AVEN: variants seen among roughly 807,000 people sequenced by gnomAD.
AVEN encodes cell death regulator Aven.
Under a neutral mutation model 38.1 loss-of-function variants are expected in AVEN, and 41 were observed. The ratio of observed to expected loss-of-function variants is 1.08; its 90% CI spans 0.84 to 1.40. The LOEUF (loss-of-function observed/expected upper bound fraction) is 1.40, where lower values mean the gene tolerates loss of function less well. AVEN is among the 40% of genes most tolerant of loss of function. AVEN has a pLI of 0.00. For synonymous variants in AVEN, 206 were observed against 171.8 expected, an observed-to-expected ratio of 1.20 and a Z score of -1.56; for missense variants, 605 against 438.8, an observed-to-expected ratio of 1.38 and a Z score of -3.38.
downstream of AVEN, among the ~76,000 whole-genome samples, chr15:33,862,511 T>A (rs1457334454): frequency 1.3e-5 from 2 of 152,142 alleles, no homozygotes; most frequent in African/African-American, 4.8e-5. Context: ...TGAGCCCTCA[T>A]CTTTCTTTAG....
chr15:33,993,490 G>C (rs1896810509), intron 2 of AVEN, among the ~76,000 whole-genome samples: 1 of 152,156 alleles, frequency 6.6e-6, no homozygotes, highest in African/African-American at 2.4e-5. Flanking sequence ...AGTGGAAGGA[G>C]GCAGGCTGGA....
chr15:33,938,461 A>C (rs963330656), intron 2 of AVEN, among the ~76,000 whole-genome samples: 2 of 152,168 alleles, frequency 1.3e-5, no homozygotes. Flanking sequence ...TCTTGAAAAA[A>C]ATAAAAATAA....
intron 1 of AVEN, among the ~76,000 whole-genome samples, chr15:34,031,224 G>A (rs1031622213): frequency 7.7e-6 from 1 of 129,854 alleles, no homozygotes; most frequent in Non-Finnish European, 1.5e-5. Flanking sequence ...GCCCAGGCTG[G>A]AATGCAATGG....
rs141468819 is a variant in AVEN, at chr15:34,063,902, T to A, written n.1127-470A>T. The A allele has an allele frequency of 1.2e-6, 2 of 1,614,134 alleles. No homozygotes were observed. The highest frequency in any genetic ancestry group is 1.7e-6 in the Non-Finnish European group (2 of 1,180,020). On this transcript the variant is annotated intron_variant and non_coding_transcript_variant, in intron 4 of 11. Coordinates refer to the AVEN transcript ENST00000675287. The surrounding 1 kb of genome is among the most constrained non-coding windows in gnomAD (Gnocchi z 4.1). ...CTGACGGGAACCAGGAGACCAACAA[T>A]GGCTGTCACAAGGTGAAAATCATGC...
rs1368786590 is a variant in AVEN, at chr15:34,048,379, A to G, written n.1637+14543T>C. Among the ~76,000 whole-genome samples, 6 of 150,756 alleles carry G rather than the reference A, an allele frequency of 4.0e-5. No homozygotes were observed. In the South Asian group the frequency reaches 6.3e-4, roughly 16 times the overall value. On this transcript the variant is annotated intron_variant and non_coding_transcript_variant, in intron 5 of 11. Transcript: ENST00000675287. Reference sequence around the variant, plus strand: ...CAGCCTGCTGGCTTTGGAGAGTCCAAATGGTCCTGACAAGGAAGGGTCCCC... The same window carrying G: ...CAGCCTGCTGGCTTTGGAGAGTCCAGATGGTCCTGACAAGGAAGGGTCCCC...
intron 2 of AVEN, among the ~76,000 whole-genome samples, chr15:33,994,907 C>A (rs1375180124): frequency 6.6e-6 from 1 of 152,156 alleles, no homozygotes; most frequent in African/African-American, 2.4e-5. Context: ...AACATACAGG[C>A]AACCATCCAC....
At chr15:34,024,472 C>CAAA (rs10531898) in intron 1 of AVEN, among the ~76,000 whole-genome samples, 24 of 101,878 alleles carry the variant, frequency 2.4e-4, no homozygotes, top group African/African-American at 8.0e-4. Flanking sequence ...GACCCTGTCT[C>CAAA]AAAAAAAAAA....
intron 3 of AVEN, among the ~76,000 whole-genome samples, chr15:33,873,281 G>A (rs1283602184): frequency 1.3e-5 from 2 of 149,976 alleles, no homozygotes; most frequent in Non-Finnish European, 1.5e-5. Context: ...TGTATTTTCA[G>A]TAGACGCAGG....
In AVEN at chr15:33,869,951, C is replaced by T. The variant is rs568188250; in HGVS notation, c.612+984G>A. Among the ~76,000 whole-genome samples the T allele has an allele frequency of 2.6e-5, 4 of 152,030 alleles. No individual in the cohort carries two copies. In the South Asian group the frequency reaches 8.3e-4, roughly 32 times the overall value. ...TTATCTCCTGAATTTGTATTTCTAGCCCTTGATGTAGAACTATAAAGTTCA... is the reference window on the plus strand; with the variant it reads ...TTATCTCCTGAATTTGTATTTCTAGTCCTTGATGTAGAACTATAAAGTTCA... On this transcript the variant is annotated intron_variant, in intron 4 of 5. Coordinates refer to ENST00000306730, the MANE Select transcript of AVEN (RefSeq NM_020371.3).
intron 2 of AVEN, among the ~76,000 whole-genome samples, chr15:33,919,819 G>C (rs1290794431): frequency 6.6e-6 from 1 of 152,086 alleles, no homozygotes; most frequent in Non-Finnish European, 1.5e-5. Flanking sequence ...AAAAAAATTT[G>C]AACCAACCAT....
intron 2 of AVEN, among the ~76,000 whole-genome samples, chr15:33,910,109 G>A (rs1326612598): frequency 6.7e-6 from 1 of 148,286 alleles, no homozygotes; most frequent in African/African-American, 2.5e-5. Context: ...GCCCCAGCCT[G>A]GGTGACAGAG....
At chr15:33,932,422 G>A (rs956368354) in intron 2 of AVEN, among the ~76,000 whole-genome samples, 1 of 152,158 alleles carries the variant, frequency 6.6e-6, no homozygotes, top group South Asian at 2.1e-4. Context: ...ACATTACTAG[G>A]TACACGTTTT....
In AVEN at chr15:34,039,002, T is replaced by G. The variant is rs1440529659; in HGVS notation, c.45A>C (p.Pro15=). The part of the protein sequence containing the change: ...RGARGGRGRR[P]GRGRPGGDRH... ...GATCTCCGCCAGGCCGGCCGCGGCCTGGCCGCCGCCCACGGCCTCCCCGAG... is the reference window on the plus strand; with the variant it reads ...GATCTCCGCCAGGCCGGCCGCGGCCGGGCCGCCGCCCACGGCCTCCCCGAG... Residue 15 remains proline, a synonymous_variant, in exon 1 of 6, where the codon CCA becomes CCC. Coordinates refer to ENST00000306730, the MANE Select transcript of AVEN (RefSeq NM_020371.3). 20 of 1,116,538 alleles carry G rather than the reference T, an allele frequency of 1.8e-5. No homozygotes were observed. The highest frequency in any genetic ancestry group is 1.1e-6 in the Non-Finnish European group (1 of 916,330). 69.2% of individuals were successfully genotyped at this position (1,116,538 alleles called of 1,614,324 possible). A position where few individuals can be genotyped will look rare whatever the true frequency, so the allele number is the denominator to read the frequency against.
At chr15:33,884,012 GTTATT>G (rs1198420222) in intron 2 of AVEN, among the ~76,000 whole-genome samples, 2 of 152,212 alleles carry the variant, frequency 1.3e-5, no homozygotes, top group African/African-American at 2.4e-5. Context: ...CACAGCATTT[GTTATT>G]TTATTTTTTA....
At chr15:34,034,148 A>C (rs1317466925) in intron 1 of AVEN, among the ~76,000 whole-genome samples, 1 of 152,200 alleles carries the variant, frequency 6.6e-6, no homozygotes, top group Non-Finnish European at 1.5e-5. Context: ...TCTAGTATTT[A>C]AAATCCATCC....
intron 2 of AVEN, among the ~76,000 whole-genome samples, chr15:33,955,959 T>C (rs898768329): frequency 8.5e-5 from 13 of 152,248 alleles, no homozygotes; most frequent in African/African-American, 2.9e-4. Context: ...AGAATATATC[T>C]TTAAACTATA....
downstream of AVEN, chr15:33,865,272 T>G (rs1286479707): frequency 7.4e-7 from 1 of 1,351,390 alleles, no homozygotes; most frequent in Non-Finnish European, 1.1e-6. Context: ...CAACTTCCCA[T>G]GAAATAAAGT....
At chr15:33,983,658 A>G (rs1020722888) in intron 2 of AVEN, among the ~76,000 whole-genome samples, 2 of 152,116 alleles carry the variant, frequency 1.3e-5, no homozygotes, top group African/African-American at 4.8e-5. Context: ...TCCTCCTTCC[A>G]TGGATGAAGC....
Position 34,036,876 on chromosome 15 carries a change from G to C in AVEN, c.267+1904C>G, listed in dbSNP as rs557886344. Among the ~76,000 whole-genome samples the C allele has an allele frequency of 9.9e-5, 15 of 152,272 alleles. 1 individual carries two copies. The South Asian group carries it at 3.1e-3, about 32-fold the overall frequency. ...CCATATCCCAGCACCTTGGGAGGCC[G>C]AGGCGGGTGGATCACCTGAGGTCAG... is the stretch of plus-strand genomic sequence containing the variant. On this transcript the variant is annotated intron_variant, in intron 1 of 5. Coordinates refer to ENST00000306730, the MANE Select transcript of AVEN (RefSeq NM_020371.3).
Sources: gnomAD v4.1 joint callset for allele counts (sites outside exome capture counted in the v4.1 genomes callset) on GRCh38, gnomAD v4.1.1 for gene constraint, Gnocchi (gnomAD v3.1) non-coding constraint, MANE v1.5 for transcripts, NCBI Gene and HGNC (gene_info 2026-07-23, HGNC 2026-07-21) for gene names.